The following CDH5 variants were observed in gnomAD, a reference collection of about 807,000 sequenced individuals.
The protein encoded by CDH5 is cadherin-5.
A neutral mutation model predicts 62.0 loss-of-function variants in CDH5; 28 were observed. The ratio of observed to expected loss-of-function variants is 0.45; its 90% CI spans 0.33 to 0.62. CDH5 has a LOEUF of 0.62. CDH5 is among the 20% of genes least tolerant of loss of function. The pLI is 0.02. For synonymous variants in CDH5, 464 were observed against 445.8 expected (o/e 1.04, Z -0.52); for missense variants, 940 against 1,065.1 (o/e 0.88, Z 1.63).
At chr16:66,394,857 T>C (rs370907710) in intron 7 of CDH5, among the ~76,000 whole-genome samples, 2 of 40,578 alleles carry the variant, frequency 4.9e-5, no homozygotes, top group African/African-American at 1.9e-4. Context: ...TTGCCTTTTT[T>C]GGGGGGTGGG....
chr16:66,389,868 C>T (rs973079395), intron 5 of CDH5, among the ~76,000 whole-genome samples: 1 of 152,196 alleles, frequency 6.6e-6, no homozygotes, highest in Non-Finnish European at 1.5e-5. Context: ...ACTCAGGTCC[C>T]AGCTAGAAAT....
At chr16:66,380,913 G>A (rs1244463487) in intron 2 of CDH5, among the ~76,000 whole-genome samples, 1 of 152,006 alleles carries the variant, frequency 6.6e-6, no homozygotes, top group Admixed American at 6.6e-5. Context: ...GGAGGTGGTG[G>A]TGAACTCTAT....
chr16:66,400,722 C>T (rs750712621), intron 10 of CDH5, 49 bp from the exon 11 acceptor site: 1 of 1,613,110 alleles, frequency 6.2e-7, no homozygotes, highest in Non-Finnish European at 8.5e-7. Context: ...CCAGGTTTCC[C>T]CATCTGTGCA....
In CDH5 at chr16:66,398,126, G is replaced by A. The variant is rs1171775639; in HGVS notation, c.1485+20G>A. The A allele has an allele frequency of 1.9e-6, 3 of 1,614,104 alleles. No homozygotes were observed. Among genetic ancestry groups the A allele is most frequent in the Non-Finnish European group, 2.5e-6 (3 of 1,180,022 alleles). On this transcript the variant is annotated intron_variant, in intron 9 of 11. Coordinates refer to ENST00000341529, the MANE Select transcript of CDH5 (RefSeq NM_001795.5). Reference sequence around the variant, plus strand: ...GGCCAGGTGAGTCTGGTTCAGGTGGGAGGGGAAGGCAGCACCACCCTGGGG... The same window carrying A: ...GGCCAGGTGAGTCTGGTTCAGGTGGAAGGGGAAGGCAGCACCACCCTGGGG...
At chr16:66,367,709 G>C (rs1960612596) in intron 1 of CDH5, among the ~76,000 whole-genome samples, 1 of 152,178 alleles carries the variant, frequency 6.6e-6, no homozygotes, top group African/African-American at 2.4e-5. Context: ...ATATCTCAGT[G>C]AAAGCAACTG....
chr16:66,376,909 A>G (rs1231642231), intron 1 of CDH5, among the ~76,000 whole-genome samples: 1 of 152,174 alleles, frequency 6.6e-6, no homozygotes, highest in Non-Finnish European at 1.5e-5. Flanking sequence ...CATGGAGCCC[A>G]TCATGCAGTA....
At chr16:66,398,829 G>A (rs533020130) in intron 10 of CDH5, among the ~76,000 whole-genome samples, 1 of 152,326 alleles carries the variant, frequency 6.6e-6, no homozygotes, top group East Asian at 1.9e-4. Context: ...CCAACAAATT[G>A]AGGGCAGGCT....
At chr16:66,397,912 C>A in intron 8 of CDH5, 70 bp from the exon 9 acceptor site, 1 of 1,601,682 alleles carries the variant, frequency 6.2e-7, no homozygotes, top group Non-Finnish European at 8.5e-7. Flanking sequence ...AGCCCTCCTT[C>A]CACACATCTT....
intron 1 of CDH5, among the ~76,000 whole-genome samples, chr16:66,371,774 CAGGGGCAGGACCAGCCCAGGGGCTG>C (rs748497962): frequency 6.6e-6 from 1 of 152,098 alleles, no homozygotes. Context: ...TCCTGGTGCT[CAGGGGCAGGACCAGCCCAGGGGCTG>C]AGGGGCTGGA....
rs954119872 is a variant in CDH5, at chr16:66,404,045, G to A, written c.*876G>A. 1 of 152,504 alleles carries A rather than the reference G, an allele frequency of 6.6e-6. No individual in the cohort carries two copies. The highest frequency in any genetic ancestry group is 1.5e-5 in the Non-Finnish European group (1 of 68,084). 9.4% of individuals were successfully genotyped at this position (152,504 alleles called of 1,614,324 possible). Reference sequence around the variant, plus strand: ...CAGTTTTGCCTGAGAAGGGGCAGATGTTCCCGGAGCAGAAGACGTCTCCCC... The same window carrying A: ...CAGTTTTGCCTGAGAAGGGGCAGATATTCCCGGAGCAGAAGACGTCTCCCC... On this transcript the variant is annotated 3_prime_UTR_variant, in exon 12 of 12. Coordinates refer to ENST00000341529, the MANE Select transcript of CDH5 (RefSeq NM_001795.5).
rs557968199 is a variant in CDH5, at chr16:66,396,204, G to A, written c.1360+3G>A. 2 of 1,613,968 alleles carry A rather than the reference G, an allele frequency of 1.2e-6. No homozygotes were observed. Among genetic ancestry groups the A allele is most frequent in the Non-Finnish European group, 1.7e-6 (2 of 1,179,920 alleles). On this transcript the variant is annotated splice_donor_region_variant and intron_variant, in intron 8 of 11. Transcript: ENST00000341529. ...GGCCAAAGAACTGGATTCCACTGGT[G>A]AGTGGCCACATCTGCCAGGGCACCT...
At chr16:66,373,565 G>A (rs1283711622) in intron 1 of CDH5, among the ~76,000 whole-genome samples, 4 of 152,092 alleles carry the variant, frequency 2.6e-5, no homozygotes, top group East Asian at 1.9e-4. Flanking sequence ...ATAGGCATGC[G>A]CCACCATGCC....
chr16:66,390,480 G>A lies in CDH5; in HGVS notation c.859G>A (p.Glu287Lys), dbSNP rs891727598. ...VGSLFVEDPDEPQNRMTKYSI... is the reference protein window; with the variant it reads ...VGSLFVEDPDKPQNRMTKYSI... ...CTCTCTGTTTGTTGAGGACCCAGAT[G>A]AGCCCCAGAACCGGATGACCAAGTA... Residue 287 changes from glutamate (E) to lysine (K), a missense_variant, in exon 6 of 12, where the codon GAG becomes AAG. Transcript: ENST00000341529. The A allele has an allele frequency of 3.7e-6, 6 of 1,614,134 alleles. No individual in the cohort carries two copies. Among genetic ancestry groups the A allele is most frequent in the Non-Finnish European group, 5.1e-6 (6 of 1,180,022 alleles).
At chr16:66,402,518 AGG>A in intron 11 of CDH5, 132 bp from the exon 12 acceptor site, 1 of 566,022 alleles carries the variant, frequency 1.8e-6, no homozygotes, top group Non-Finnish European at 2.7e-6. Flanking sequence ...TTGCAGGGGA[AGG>A]GGGGGCCAAA....
intron 4 of CDH5, among the ~76,000 whole-genome samples, 192 bp from the exon 5 acceptor site, chr16:66,389,166 A>C (rs920971838): frequency 4.6e-5 from 7 of 152,298 alleles, no homozygotes; most frequent in African/African-American, 1.7e-4. Flanking sequence ...TACCGAACCC[A>C]ACTATTGGGC....
In CDH5 at chr16:66,396,048, C is replaced by T; in HGVS notation, c.1218-11C>T. ...ACAATGGAAAGCCATGAAACTCTCTCCCCTGGGCAGATACTCCATCCGCAG... is the reference window on the plus strand; with the variant it reads ...ACAATGGAAAGCCATGAAACTCTCTTCCCTGGGCAGATACTCCATCCGCAG... On this transcript the variant is annotated splice_polypyrimidine_tract_variant and intron_variant, in intron 7 of 11. Coordinates refer to ENST00000341529, the MANE Select transcript of CDH5 (RefSeq NM_001795.5). 1.2e-6 allele frequency: 2 copies of T among 1,612,870 alleles called. No individual in the cohort carries two copies. The highest frequency in any genetic ancestry group is 1.3e-5 in the African/African-American group (1 of 74,960).
intron 7 of CDH5, among the ~76,000 whole-genome samples, chr16:66,394,097 T>A (rs909927180): frequency 6.6e-6 from 1 of 152,226 alleles, no homozygotes; most frequent in African/African-American, 2.4e-5. Context: ...TGTATTTGTG[T>A]CCACTTCTTC....
chr16:66,402,846 C>G lies in CDH5; in HGVS notation c.2032C>G (p.Leu678Val). 1 of 1,601,652 alleles carries G rather than the reference C, an allele frequency of 6.2e-7. No homozygotes were observed. Among genetic ancestry groups the G allele is most frequent in the Non-Finnish European group, 8.5e-7 (1 of 1,175,024 alleles). ...RGGAKPPRPA[L>V]DARPSLYAQV... ...CGGGGCCAAGCCCCCGCGGCCCGCG[C>G]TGGACGCCCGGCCTTCCCTCTATGC... The change falls in exon 12 of 12, where the codon CTG (leucine) becomes GTG (valine). Residue 678 changes from leucine (L) to valine (V), a missense_variant. Coordinates refer to ENST00000341529, the MANE Select transcript of CDH5 (RefSeq NM_001795.5).
In CDH5 at chr16:66,388,099, C is replaced by T. The variant is rs946934257; in HGVS notation, c.500-225C>T. On this transcript the variant is annotated intron_variant, in intron 3 of 11. Coordinates refer to ENST00000341529, the MANE Select transcript of CDH5 (RefSeq NM_001795.5). The stretch of plus-strand genomic sequence containing the variant: ...CTCATTTCCCCAGGAAGCACACAAA[C>T]CACCTGATCTCTTTGACCCCTTCAA... Among the ~76,000 whole-genome samples the T allele has an allele frequency of 3.3e-5, 5 of 152,222 alleles. No individual in the cohort carries two copies. In the South Asian group the frequency reaches 1.0e-3, roughly 32 times the overall value.
Sources: allele counts gnomAD v4.1 joint callset (sites outside exome capture counted in the v4.1 genomes callset), GRCh38; gene constraint gnomAD v4.1.1; transcripts MANE v1.5; gene names NCBI Gene and HGNC (gene_info 2026-07-23, HGNC 2026-07-21).